Variants in SNTG1 observed in about 807,000 individuals in gnomAD.
SNTG1 encodes gamma-1-syntrophin.
SNTG1 carries 39 observed loss-of-function variants against 74.7 expected under a neutral mutation model. That is an observed-to-expected ratio of 0.52 (90% CI 0.40 to 0.68). SNTG1 has a LOEUF of 0.68. Ranked by LOEUF, SNTG1 falls within the 30% of genes least tolerant of loss-of-function variation. The pLI, the probability that SNTG1 is intolerant of heterozygous loss-of-function variation, is 0.00. For synonymous variants in SNTG1, 254 were observed against 217.1 expected (o/e 1.17, Z -1.49); for missense variants, 685 against 609.5 (o/e 1.12, Z -1.30).
At chr8:50,509,468 T>C (rs1354635017) in intron 9 of SNTG1, among the ~76,000 whole-genome samples, 10 of 152,282 alleles carry the variant, frequency 6.6e-5, no homozygotes, top group African/African-American at 2.2e-4. Context: ...CATCGGTAGC[T>C]TGATGGGGAT....
chr8:50,267,683 T>C (rs1323716134), intron 2 of SNTG1, among the ~76,000 whole-genome samples: 1 of 152,170 alleles, frequency 6.6e-6, no homozygotes, highest in Non-Finnish European at 1.5e-5. Flanking sequence ...TCCACCATAT[T>C]AATGGGCTAA....
chr8:50,315,176 C>T (rs2090268980), intron 2 of SNTG1, among the ~76,000 whole-genome samples: 1 of 149,560 alleles, frequency 6.7e-6, no homozygotes, highest in African/African-American at 2.5e-5. Context: ...GATAGAGCTG[C>T]AGTGGTCACT....
intron 2 of SNTG1, among the ~76,000 whole-genome samples, chr8:50,201,266 T>C (rs541644096): frequency 1.3e-4 from 20 of 152,204 alleles, no homozygotes; most frequent in Non-Finnish European, 2.9e-4. Flanking sequence ...ATAATGTGGC[T>C]GAAATCTCTC....
intron 1 of SNTG1, among the ~76,000 whole-genome samples, chr8:49,958,697 G>A (rs1810410033): frequency 6.6e-6 from 1 of 152,206 alleles, no homozygotes; most frequent in Non-Finnish European, 1.5e-5. Flanking sequence ...GGGATTACAG[G>A]CGTGAGCCAC....
chr8:50,647,274 CA>C (rs2095115264), intron 13 of SNTG1, among the ~76,000 whole-genome samples: 1 of 152,074 alleles, frequency 6.6e-6, no homozygotes. Context: ...CATGAGAATA[CA>C]GGCTACAGAC....
At chr8:50,018,618 T>C (rs950992400) in intron 1 of SNTG1, among the ~76,000 whole-genome samples, 1 of 151,916 alleles carries the variant, frequency 6.6e-6, no homozygotes, top group African/African-American at 2.4e-5. Flanking sequence ...ACTTATGATA[T>C]CAAAAGCAAA....
At chr8:50,665,904 A>C (rs1379825035) in intron 15 of SNTG1, among the ~76,000 whole-genome samples, 1 of 152,186 alleles carries the variant, frequency 6.6e-6, no homozygotes, top group African/African-American at 2.4e-5. Context: ...CTGTAATTAT[A>C]AAAGAATAAA....
intron 1 of SNTG1, among the ~76,000 whole-genome samples, chr8:50,141,262 C>T (rs547759150): frequency 4.7e-4 from 72 of 152,272 alleles, no homozygotes; most frequent in African/African-American, 1.7e-3. Context: ...ATGGTAAGTG[C>T]ATGTTGAACT....
intron 1 of SNTG1, among the ~76,000 whole-genome samples, chr8:50,009,717 G>T (rs148509160): frequency 3.9e-5 from 6 of 152,148 alleles, no homozygotes; most frequent in Non-Finnish European, 7.3e-5. Flanking sequence ...TATGTACAAG[G>T]CTGCCTGTGG....
chr8:50,394,208 T>C lies in SNTG1; in HGVS notation c.-27-4T>C, dbSNP rs748128513. On this transcript the variant is annotated splice_polypyrimidine_tract_variant and splice_region_variant and intron_variant, in intron 2 of 18. Coordinates refer to ENST00000642720, the MANE Select transcript of SNTG1 (RefSeq NM_018967.5). ...AATGGCTTACCATTTCTGTGTCTTT[T>C]CAGACGACATCCTTTGTGGTGCCAC... 1 of 1,612,708 alleles carries C rather than the reference T, an allele frequency of 6.2e-7. No homozygotes were observed. Among genetic ancestry groups the C allele is most frequent in the South Asian group, 1.1e-5 (1 of 90,886 alleles).
chr8:49,966,217 A>G (rs897819656), intron 1 of SNTG1, among the ~76,000 whole-genome samples: 1 of 152,098 alleles, frequency 6.6e-6, no homozygotes, highest in African/African-American at 2.4e-5. Context: ...TGCTTCTTTC[A>G]AGCCTCAGTT....
intron 1 of SNTG1, among the ~76,000 whole-genome samples, chr8:50,169,507 C>G (rs748275717): frequency 5.9e-5 from 9 of 152,168 alleles, no homozygotes; most frequent in Non-Finnish European, 1.2e-4. Context: ...GAGAAGACAG[C>G]CCACTCTTAG....
intron 2 of SNTG1, among the ~76,000 whole-genome samples, chr8:50,287,800 C>T (rs1001196280): frequency 1.3e-5 from 2 of 152,150 alleles, no homozygotes; most frequent in Admixed American, 1.3e-4. Flanking sequence ...TCATGGTAGA[C>T]TCTGGTGACA....
At chr8:50,162,559 CAAAA>C (rs34746562) in intron 1 of SNTG1, among the ~76,000 whole-genome samples, 3 of 83,960 alleles carry the variant, frequency 3.6e-5, no homozygotes, top group Non-Finnish European at 4.7e-5. Context: ...GACTCTGTCT[CAAAA>C]AAAAAAAAAA....
At chr8:50,483,204 T>G (rs2131827281) in intron 8 of SNTG1, among the ~76,000 whole-genome samples, 1 of 152,296 alleles carries the variant, frequency 6.6e-6, no homozygotes, top group African/African-American at 2.4e-5. Flanking sequence ...GATAAATATC[T>G]TAGTGATTTT....
chr8:50,736,561 C>T (rs2095529381), intron 17 of SNTG1, among the ~76,000 whole-genome samples: 1 of 152,040 alleles, frequency 6.6e-6, no homozygotes, highest in African/African-American at 2.4e-5. Flanking sequence ...TGGATCAGCT[C>T]TGGACCAAGT....
chr8:50,546,261 T>TTGAC, intron 11 of SNTG1, among the ~76,000 whole-genome samples: 1 of 152,064 alleles, frequency 6.6e-6, no homozygotes, highest in East Asian at 1.9e-4. Flanking sequence ...AAGAAACATA[T>TTGAC]TGACAGTAGA....
At chr8:50,075,152 C>CA (rs1394412868) in intron 1 of SNTG1, among the ~76,000 whole-genome samples, 1 of 152,174 alleles carries the variant, frequency 6.6e-6, no homozygotes, top group Non-Finnish European at 1.5e-5. Flanking sequence ...CCGCCTCCCC[C>CA]CTGTGGGCTC....
intron 2 of SNTG1, among the ~76,000 whole-genome samples, chr8:50,285,916 A>G (rs527590810): frequency 8.8e-4 from 133 of 151,530 alleles, no homozygotes; most frequent in African/African-American, 2.8e-3. Flanking sequence ...GTTGTTTTCT[A>G]AGTAAATTTG....
Sources: gnomAD v4.1 joint callset for allele counts (sites outside exome capture counted in the v4.1 genomes callset) on GRCh38, gnomAD v4.1.1 for gene constraint, MANE v1.5 for transcripts, NCBI Gene and HGNC (gene_info 2026-07-23, HGNC 2026-07-21) for gene names.